DOCK7: variants seen among roughly 807,000 people sequenced by gnomAD.
The protein encoded by DOCK7 is dedicator of cytokinesis 7.
A neutral mutation model predicts 271.0 loss-of-function variants in DOCK7; 138 were observed. The ratio of observed to expected loss-of-function variants is 0.51; its 90% CI spans 0.44 to 0.59. The LOEUF is 0.59. Ranked by LOEUF, DOCK7 falls within the 20% of genes least tolerant of loss-of-function variation. The probability of loss-of-function intolerance (pLI) is 0.00; values close to 1 mark genes in which losing one functional copy is unlikely to be tolerated. For missense variants in DOCK7, 2,066 were observed against 2,592.4 expected, an observed-to-expected ratio of 0.80 and a Z score of 4.41; for synonymous variants, 823 against 876.1, an observed-to-expected ratio of 0.94 and a Z score of 1.07.
At position 62,494,382 on chromosome 1, in the gene DOCK7, G is replaced by A; in HGVS notation, c.5110C>T (p.His1704Tyr). Residue 1704 changes from histidine to tyrosine, a missense_variant, in exon 40 of 50, where the codon CAT (histidine) becomes TAT (tyrosine). By Grantham distance (83) the His-to-Tyr change is moderately conservative (BLOSUM62 2). This residue lies in a region of DOCK7 where 652 missense variants were observed against 922.1 expected (regional missense o/e 0.71). Coordinates refer to ENST00000635253, the MANE Select transcript of DOCK7 (RefSeq NM_001367561.1). ...ACTAGACACTGTGCAGCTTCAGCAT[G>A]ATTGCTTCGTTCTGAGTGCTTGCCT... is the stretch of plus-strand genomic sequence containing the variant. ...MAGKHSERSN[H>Y]AEAAQCLVHS... 1 of 1,613,648 alleles carries A rather than the reference G, an allele frequency of 6.2e-7. No individual in the cohort carries two copies. Among genetic ancestry groups the A allele is most frequent in the Non-Finnish European group, 8.5e-7 (1 of 1,179,640 alleles).
At chr1:62,597,959 A>C in intron 14 of DOCK7, 1 of 1,555,728 alleles carries the variant, frequency 6.4e-7, no homozygotes, top group African/African-American at 1.4e-5. Flanking sequence ...TAGAAGAAAA[A>C]ATTCTACTTC....
At chr1:62,524,891 G>A (rs1298912425) in intron 31 of DOCK7, among the ~76,000 whole-genome samples, 1 of 131,912 alleles carries the variant, frequency 7.6e-6, no homozygotes, top group Non-Finnish European at 1.6e-5. Context: ...TACAGTGCAG[G>A]GCTCCGTCTC....
chr1:62,631,161 G>C (rs2149622353), intron 11 of DOCK7, 79 bp downstream of exon 11: 1 of 1,334,934 alleles, frequency 7.5e-7, no homozygotes, highest in Non-Finnish European at 1.0e-6. Flanking sequence ...CTCCAGCCTA[G>C]GCCATAGAGC....
At chr1:62,553,354 ATTTTTTTTTTTT>A (rs1159680880) in intron 21 of DOCK7, among the ~76,000 whole-genome samples, 38 of 17,290 alleles carry the variant, frequency 2.2e-3, no homozygotes, top group Admixed American at 3.9e-3. Flanking sequence ...ATATATATAT[ATTTTTTTTTTTT>A]TTTTTTTTTT....
At chr1:62,472,947 T>C (rs1436044513) in intron 48 of DOCK7, among the ~76,000 whole-genome samples, 1 of 152,224 alleles carries the variant, frequency 6.6e-6, no homozygotes, top group African/African-American at 2.4e-5. Flanking sequence ...AAGTCCTGTG[T>C]GACTTGACTG....
chr1:62,507,457 T>C (rs1416014890), intron 35 of DOCK7, among the ~76,000 whole-genome samples: 5 of 152,222 alleles, frequency 3.3e-5, no homozygotes, highest in Non-Finnish European at 7.3e-5. Flanking sequence ...TTAATATTTG[T>C]AAAGTGCTTA....
At chr1:62,512,662 C>T (rs1001563189) in intron 33 of DOCK7, among the ~76,000 whole-genome samples, 7 of 151,448 alleles carry the variant, frequency 4.6e-5, no homozygotes, top group African/African-American at 1.7e-4. Context: ...CTGTGAGAGG[C>T]CAAGGTGGGA....
intron 31 of DOCK7, among the ~76,000 whole-genome samples, chr1:62,519,274 G>A (rs1245594227): frequency 2.0e-5 from 3 of 152,014 alleles, no homozygotes; most frequent in East Asian, 1.9e-4. Context: ...CAAGAGTACA[G>A]GACATAGAAT....
intron 42 of DOCK7, 41 bp from the exon 43 acceptor site, chr1:62,487,453 C>A (rs1209338041): frequency 6.2e-7 from 1 of 1,603,462 alleles, no homozygotes; most frequent in Non-Finnish European, 8.5e-7. Context: ...CATAAAAAAA[C>A]TGTTTGAAAG....
chr1:62,532,185 C>A (rs915122797), intron 29 of DOCK7, among the ~76,000 whole-genome samples: 2 of 152,146 alleles, frequency 1.3e-5, no homozygotes, highest in African/African-American at 4.8e-5. Context: ...GAGGCAAGCA[C>A]CACCATGCCC....
At chr1:62,482,036 A>G (rs79806827) in intron 43 of DOCK7, 1 of 152,236 alleles carries the variant, frequency 6.6e-6, no homozygotes, top group South Asian at 2.1e-4. Context: ...GCAGATCTCA[A>G]CTGGGAAATA....
In DOCK7 at chr1:62,572,808, C is replaced by A. The variant is rs767836059; in HGVS notation, c.2112+4454G>T. 1.3e-4 allele frequency among the ~76,000 whole-genome samples: 20 copies of A among 152,294 alleles called. 1 individual carries two copies. Among genetic ancestry groups the A allele is most frequent in the Non-Finnish European group, 1.8e-4 (12 of 68,030 alleles). On this transcript the variant is annotated intron_variant, in intron 18 of 49. Transcript: ENST00000635253. ...ATATGATTTTTTGGGGGGAAACAATCTGTTCCATAGCAGAGAGATTAAGAA... is the reference window on the plus strand; with the variant it reads ...ATATGATTTTTTGGGGGGAAACAATATGTTCCATAGCAGAGAGATTAAGAA...
chr1:62,508,922 C>T (rs1173169050), intron 34 of DOCK7, among the ~76,000 whole-genome samples: 1 of 151,830 alleles, frequency 6.6e-6, no homozygotes, highest in East Asian at 1.9e-4. Flanking sequence ...TATATTACAC[C>T]AAAGTAGACA....
rs1656965323 is a variant in DOCK7 at position 62,648,626 on chromosome 1, G to A, written c.390-82C>T. The A allele has an allele frequency of 4.1e-6, 3 of 732,362 alleles. No individual in the cohort carries two copies. In the South Asian group the frequency reaches 1.4e-4, roughly 35 times the overall value. 45.4% of individuals were successfully genotyped at this position (732,362 alleles called of 1,614,324 possible). ...CTTTTTGGGCATCATTATGTAATAA[G>A]CCAAGTGTTTTCTGCATTATTTCTT... On this transcript the variant is annotated intron_variant, in intron 4 of 49. Coordinates refer to ENST00000635253, the MANE Select transcript of DOCK7 (RefSeq NM_001367561.1).
chr1:62,486,552 G>A (rs1646299021), intron 43 of DOCK7: 3 of 152,078 alleles, frequency 2.0e-5, no homozygotes, highest in East Asian at 3.9e-4. Context: ...TTAAAATAAT[G>A]GTAATCAATT....
intron 48 of DOCK7, chr1:62,458,720 G>A (rs1645425040): frequency 1.3e-5 from 2 of 152,054 alleles, no homozygotes; most frequent in South Asian, 4.2e-4. Flanking sequence ...TTTTAGTAGA[G>A]ACGGGTTTCA....
chr1:62,680,005 A>G (rs1031018540), intron 1 of DOCK7, among the ~76,000 whole-genome samples: 1 of 152,202 alleles, frequency 6.6e-6, no homozygotes, highest in African/African-American at 2.4e-5. Flanking sequence ...TCAAGCTACC[A>G]ATGACTTTCT....
intron 9 of DOCK7, among the ~76,000 whole-genome samples, chr1:62,634,129 TA>T (rs903599188): frequency 6.6e-6 from 1 of 151,518 alleles, no homozygotes; most frequent in African/African-American, 2.4e-5. Context: ...AAAGGAAATT[TA>T]AAAAAAAATT....
chr1:62,526,101 G>A (rs746525590), intron 31 of DOCK7, among the ~76,000 whole-genome samples: 20 of 151,918 alleles, frequency 1.3e-4, no homozygotes, highest in Non-Finnish European at 2.8e-4. Flanking sequence ...CACCACGCCC[G>A]GCTATTTTTT....
Sources: allele counts gnomAD v4.1 joint callset (sites outside exome capture counted in the v4.1 genomes callset), GRCh38; gene constraint gnomAD v4.1.1; regional missense constraint gnomAD v4.1.1; transcripts MANE v1.5; gene names NCBI Gene and HGNC (gene_info 2026-07-23, HGNC 2026-07-21).